PIEZO1: variants seen among roughly 807,000 people sequenced by gnomAD.
The protein encoded by PIEZO1 is piezo-type mechanosensitive ion channel component 1.
PIEZO1 carries 296 observed loss-of-function variants against 297.2 expected under a neutral mutation model. The ratio of observed to expected loss-of-function variants is 1.00; its 90% confidence interval spans 0.91 to 1.10. PIEZO1 has a LOEUF of 1.10. PIEZO1 is among the 50% of genes least tolerant of loss of function. The pLI is 0.00. For synonymous variants in PIEZO1, 2,427 were observed against 1,507.5 expected (o/e 1.61, Z -14.13); for missense variants, 5,018 against 3,455.5 (o/e 1.45, Z -11.34).
chr16:88,739,116 C>G, intron 5 of PIEZO1: 1 of 213,428 alleles, frequency 4.7e-6, no homozygotes, highest in South Asian at 9.1e-5. Context: ...GTCTATACCC[C>G]GGGGGGTCTC....
chr16:88,749,356 G>A, intron 2 of PIEZO1, 28 bp downstream of exon 2: 2 of 1,400,364 alleles, frequency 1.4e-6, no homozygotes, highest in Non-Finnish European at 9.4e-7. Context: ...CCCACCCTGA[G>A]AGCGTGGGCA....
At position 88,723,097 on chromosome 16, in the gene PIEZO1, G is replaced by A. The variant is rs766253297; in HGVS notation, c.4493C>T (p.Ala1498Val). ...TCCCCAGCCCCGGGCCCACGTACCT[G>A]CCGCTGCCTCCTCGGGGCCCTCTGC... Reference protein sequence around the residue: ...EPAEGPEEAAAGRSHVVQRVL... With the variant: ...EPAEGPEEAAVGRSHVVQRVL... The change falls in exon 33 of 51, where the codon GCA becomes GTA. Residue 1498 changes from alanine (A) to valine (V), a missense_variant and splice_region_variant. Transcript: ENST00000301015. 3 of 1,547,810 alleles carry A rather than the reference G, an allele frequency of 1.9e-6. No individual in the cohort carries two copies. Among genetic ancestry groups the A allele is most frequent in the Admixed American group, 3.9e-5 (2 of 50,974 alleles).
At chr16:88,769,658 G>A (rs74931442) in intron 1 of PIEZO1, among the ~76,000 whole-genome samples, 2,004 of 152,280 alleles carry the variant, frequency 0.013, 24 homozygotes, top group African/African-American at 0.045. Context: ...AGCACGCAGG[G>A]AGCAGAGCAG....
Position 88,737,645 on chromosome 16 carries a change from T to G in PIEZO1, c.1109A>C (p.His370Pro). The G allele has an allele frequency of 6.5e-7, 1 of 1,534,704 alleles. No individual in the cohort carries two copies. The highest frequency in any genetic ancestry group is 1.2e-5 in the South Asian group (1 of 84,020). ...QWPQERESDQHVVPTAPDTEA... is the reference protein window; with the variant it reads ...QWPQERESDQPVVPTAPDTEA... ...GGTGTCGGGTGCTGTGGGCACCACG[T>G]GCTGTGGGCAAGCAGCGCTGAGCCA... The change falls in exon 10 of 51, where the codon CAC becomes CCC. Residue 370 changes from histidine to proline, a missense_variant and splice_region_variant. Physicochemically the swap from His to Pro is moderately conservative, Grantham distance 77. Transcript: ENST00000301015.
Position 88,721,188 on chromosome 16 carries a change from T to C in PIEZO1, c.5646A>G (p.Ala1882=), listed in dbSNP as rs921858722. 1 of 1,511,570 alleles carries C rather than the reference T, an allele frequency of 6.6e-7. No homozygotes were observed. Among genetic ancestry groups the C allele is most frequent in the African/African-American group, 1.4e-5 (1 of 71,366 alleles). 93.6% of individuals were successfully genotyped at this position (1,511,570 alleles called of 1,614,324 possible). ...RFRRRKKEGP[A]RKGAAAIEAE... is the part of the protein sequence containing the mutation. ...TACCGATGGCTGCCGCTCCTTTCCG[T>C]GCTGGGCCCTCCTTCTTCCTTCTTC... Residue 1882 remains alanine, a synonymous_variant, in exon 39 of 51, where the codon GCA becomes GCG. Transcript: ENST00000301015.
At position 88,716,502 on chromosome 16, in the gene PIEZO1, C is replaced by A; in HGVS notation, c.6927-19G>T. The A allele has an allele frequency of 6.5e-7, 1 of 1,541,448 alleles. No individual in the cohort carries two copies. Among genetic ancestry groups the A allele is most frequent in the Non-Finnish European group, 8.8e-7 (1 of 1,141,816 alleles). Reference sequence around the variant, plus strand: ...CAGGTCCCTGGGGGTGGGAACACAGCGTGACCCACTGTAGTGGGTCCACCC... The same window carrying A: ...CAGGTCCCTGGGGGTGGGAACACAGAGTGACCCACTGTAGTGGGTCCACCC... On this transcript the variant is annotated intron_variant, in intron 47 of 50. Coordinates refer to ENST00000301015, the MANE Select transcript of PIEZO1 (RefSeq NM_001142864.4).
chr16:88,757,107 C>T (rs113995428), intron 1 of PIEZO1, among the ~76,000 whole-genome samples: 2,078 of 152,170 alleles, frequency 0.014, 44 homozygotes, highest in African/African-American at 0.047. Flanking sequence ...GCTGGGGAGC[C>T]GCACTGGCCC....
chr16:88,733,813 T>C (rs1268285821), intron 17 of PIEZO1, 68 bp from the exon 18 acceptor site: 3 of 1,471,342 alleles, frequency 2.0e-6, no homozygotes, highest in East Asian at 5.0e-5. Flanking sequence ...AGGAAGAGGC[T>C]CTGGAGCCCA....
chr16:88,775,395 G>A (rs1907610972), intron 1 of PIEZO1, among the ~76,000 whole-genome samples: 1 of 152,236 alleles, frequency 6.6e-6, no homozygotes, highest in Non-Finnish European at 1.5e-5. Context: ...ACCCCCAAGA[G>A]TGTCCGGGCT....
In PIEZO1 at chr16:88,715,666, T is replaced by C. The variant is rs34830861; in HGVS notation, c.7505A>G (p.Lys2502Arg). 5.8e-3 allele frequency: 9,006 copies of C among 1,550,310 alleles called. 50 individuals carry two copies. Among genetic ancestry groups the C allele is most frequent in the Non-Finnish European group, 5.8e-3 (6,692 of 1,146,932 alleles). ...CGGTGAGCGGTAGAGGAAGATGAGC[T>C]TGGCGTACAACTCCTCCTCCAGCTC... ...ELELEEELYA[K>R]LIFLYRSPET... The change falls in exon 51 of 51, where the codon AAG becomes AGG. Residue 2502 changes from lysine (K) to arginine (R), a missense_variant. Coordinates refer to ENST00000301015, the MANE Select transcript of PIEZO1 (RefSeq NM_001142864.4).
chr16:88,725,547 G>C, intron 28 of PIEZO1, 28 bp from the exon 29 acceptor site: 1 of 1,535,332 alleles, frequency 6.5e-7, no homozygotes, highest in South Asian at 1.2e-5. Flanking sequence ...GGGGTATGCT[G>C]AGCATTGGGG....
At chr16:88,733,881 G>C in intron 17 of PIEZO1, 25 bp downstream of exon 17, 1 of 1,476,922 alleles carries the variant, frequency 6.8e-7, no homozygotes, top group Non-Finnish European at 9.0e-7. Context: ...CTGGGTGGCA[G>C]CTGTGCTCTG....
intron 1 of PIEZO1, among the ~76,000 whole-genome samples, chr16:88,756,341 G>A (rs11649371): frequency 6.6e-5 from 10 of 152,256 alleles, no homozygotes; most frequent in East Asian, 5.8e-4. Flanking sequence ...GTTCTGCCTC[G>A]GGACTCTGGA....
chr16:88,784,902 A>ACTCACCC lies in PIEZO1; in HGVS notation c.62_63insGGGTGAG (p.Ala22GlyfsTer106), dbSNP rs2142919634. 2 of 1,429,638 alleles carry ACTCACCC rather than the reference A, an allele frequency of 1.4e-6. No homozygotes were observed. Among genetic ancestry groups the ACTCACCC allele is most frequent in the Non-Finnish European group, 9.2e-7 (1 of 1,088,808 alleles). The allele number at this position is 1,429,638 out of a possible 1,614,324, so 88.6% of individuals were successfully genotyped here. A position where few individuals can be genotyped will look rare whatever the true frequency, so the allele number is the denominator to read the frequency against. ...CCCAGGCGCCCGCCCCCCACTCACC[A>ACTCACCC]GCCAGCAGCGCGCAGGGCAGCAGCA... On this transcript the variant is annotated frameshift_variant and splice_region_variant, in exon 1 of 51. Coordinates refer to ENST00000301015, the MANE Select transcript of PIEZO1 (RefSeq NM_001142864.4). LOFTEE classifies it high-confidence loss of function.
rs542531524 is a variant in PIEZO1, at chr16:88,733,919, C to T, written c.2316G>A (p.Thr772=). ...CGCCCAACCCACCTTCAGGCACCTG[C>T]GTGGCCTGGTGGGGAGTGGCCACGC... The part of the protein sequence containing the change: ...GLGVATPHQA[T]QVPEGAAKWG... Residue 772 remains threonine, a synonymous_variant, in exon 17 of 51, where the codon ACG becomes ACA. Coordinates refer to ENST00000301015, the MANE Select transcript of PIEZO1 (RefSeq NM_001142864.4). The T allele has an allele frequency of 3.3e-5, 50 of 1,514,758 alleles. No homozygotes were observed. The highest frequency in any genetic ancestry group is 5.5e-5 in the African/African-American group (4 of 72,228). 93.8% of individuals were successfully genotyped at this position (1,514,758 alleles called of 1,614,324 possible).
Position 88,726,850 on chromosome 16 carries a change from G to A in PIEZO1, c.3564C>T (p.Gly1188=). The A allele has an allele frequency of 6.4e-7, 1 of 1,550,394 alleles. No individual in the cohort carries two copies. Among genetic ancestry groups the A allele is most frequent in the East Asian group, 2.4e-5 (1 of 40,918 alleles). Residue 1188 remains glycine (G), a synonymous_variant, in exon 25 of 51, where the codon GGC becomes GGT. Transcript: ENST00000301015. ...GCAGGTAGAAGCAGGCCAGCAGGTA[G>A]CCCAGCCCGAAGATGCTGATGCGGG... ...GATRISIFGL[G]YLLACFYLLL...
At chr16:88,756,889 A>G (rs1597477151) in intron 1 of PIEZO1, among the ~76,000 whole-genome samples, 3 of 152,238 alleles carry the variant, frequency 2.0e-5, no homozygotes, top group Admixed American at 1.3e-4. Flanking sequence ...ATCCTGGCCA[A>G]CATGGTGAAA....
chr16:88,776,170 C>A (rs992144537), intron 1 of PIEZO1, among the ~76,000 whole-genome samples: 4 of 152,252 alleles, frequency 2.6e-5, no homozygotes, highest in African/African-American at 9.6e-5. Context: ...CGCGGTGGCT[C>A]ACGCCTGTCA....
At chr16:88,757,801 C>T (rs998150928) in intron 1 of PIEZO1, among the ~76,000 whole-genome samples, 2 of 152,142 alleles carry the variant, frequency 1.3e-5, no homozygotes, top group African/African-American at 2.4e-5. Flanking sequence ...CACAGACAGG[C>T]GAACTGAGCC....
Sources: allele counts gnomAD v4.1 joint callset (sites outside exome capture counted in the v4.1 genomes callset), GRCh38; gene constraint gnomAD v4.1.1; transcripts MANE v1.5; gene names NCBI Gene and HGNC (gene_info 2026-07-23, HGNC 2026-07-21).